Variants in HEATR1 observed in about 807,000 individuals in gnomAD.
The protein encoded by HEATR1 is HEAT repeat-containing protein 1.
A neutral mutation model predicts 248.2 loss-of-function variants in HEATR1; 77 were observed. The ratio of observed to expected loss-of-function variants is 0.31; its 90% CI spans 0.26 to 0.37. The LOEUF (loss-of-function observed/expected upper bound fraction) is 0.37. Among genes scored for constraint, HEATR1 ranks in the 10% least tolerant of loss-of-function variants. HEATR1 has a pLI of 1.00. For missense variants in HEATR1, 2,420 were observed against 2,504.9 expected, an observed-to-expected ratio of 0.97 and a Z score of 0.72; for synonymous variants, 897 against 923.1, an observed-to-expected ratio of 0.97 and a Z score of 0.51.
Position 236,571,555 on chromosome 1 carries a change from A to G in HEATR1, c.3826+13T>C, listed in dbSNP as rs1448548448. 1 of 1,613,048 alleles carries G rather than the reference A, an allele frequency of 6.2e-7. No individual in the cohort carries two copies. Among genetic ancestry groups the G allele is most frequent in the Non-Finnish European group, 8.5e-7 (1 of 1,179,618 alleles). On this transcript the variant is annotated intron_variant, in intron 27 of 44. Transcript: ENST00000366582. ...GATAATTTTTCTAACCTTTCCTTCC[A>G]AAAAGTACCTACCTTTGGGTATTTT...
Position 236,603,152 on chromosome 1 carries a change from T to C in HEATR1, c.359+8A>G. ...ACCCATAGTTATTTCTGTAATTCTATTAGCTACCTGTGAATCAACCACTCC... is the reference window on the plus strand; with the variant it reads ...ACCCATAGTTATTTCTGTAATTCTACTAGCTACCTGTGAATCAACCACTCC... On this transcript the variant is annotated splice_region_variant and intron_variant, in intron 3 of 44. Coordinates refer to ENST00000366582, the MANE Select transcript of HEATR1 (RefSeq NM_018072.6). 6.2e-6 allele frequency: 10 copies of C among 1,600,124 alleles called. No homozygotes were observed. Among genetic ancestry groups the C allele is most frequent in the Non-Finnish European group, 8.6e-6 (10 of 1,167,460 alleles).
Position 236,566,860 on chromosome 1 carries a change from G to A in HEATR1, c.4094C>T (p.Ser1365Phe). Residue 1365 changes from serine to phenylalanine, a missense_variant, in exon 30 of 45, where the codon TCT (serine) becomes TTT (phenylalanine). Ser to Phe is a radical substitution (Grantham distance 155, BLOSUM62 -2). Transcript: ENST00000366582. ...TTCAACGTTTCTTGAAACTTCTATA[G>A]AATCTCCACTATCAGACTGCAAAAC... ...PALIQSDSGD[S>F]IEVSRNVEEI... 1 of 1,613,318 alleles carries A rather than the reference G, an allele frequency of 6.2e-7. No homozygotes were observed. Among genetic ancestry groups the A allele is most frequent in the African/African-American group, 1.3e-5 (1 of 74,986 alleles).
chr1:236,584,139 T>A (rs965081272), intron 17 of HEATR1, among the ~76,000 whole-genome samples: 13 of 152,198 alleles, frequency 8.5e-5, no homozygotes, highest in African/African-American at 2.9e-4. Flanking sequence ...AACATGCTCA[T>A]GACCTCGAGA....
At position 236,599,624 on chromosome 1, in the gene HEATR1, C is replaced by A; in HGVS notation, c.360G>T (p.Arg120Ser). Residue 120 changes from arginine to serine, a missense_variant and splice_region_variant, in exon 4 of 45, where the codon AGG (arginine) becomes AGT (serine). Physicochemically the swap from Arg to Ser is moderately radical, Grantham distance 110 (BLOSUM62 -1). Transcript: ENST00000366582. The part of the protein sequence containing the change: ...AQKCLEWLIH[R>S]FHIHLYNQDS... ...CTTGATTATAGAGATGTATATGGAA[C>A]CTGGGGAAAAAAAGCAAACAGTCCA... 1.3e-6 allele frequency: 2 copies of A among 1,599,148 alleles called. No individual in the cohort carries two copies. Among genetic ancestry groups the A allele is most frequent in the Non-Finnish European group, 1.7e-6 (2 of 1,173,428 alleles).
intron 19 of HEATR1, among the ~76,000 whole-genome samples, chr1:236,581,672 C>T (rs1050342043): frequency 1.3e-5 from 2 of 152,102 alleles, no homozygotes; most frequent in Admixed American, 1.3e-4. Context: ...ATCTGGGACG[C>T]CTAATTAAGA....
chr1:236,576,446 C>A (rs770362894), intron 21 of HEATR1, 69 bp from the exon 22 acceptor site: 1 of 1,133,010 alleles, frequency 8.8e-7, no homozygotes. Context: ...ATATTAATTA[C>A]GGAAGACTCT....
chr1:236,568,896 AAC>A, intron 29 of HEATR1, 98 bp downstream of exon 29: 64 of 619,046 alleles, frequency 1.0e-4, no homozygotes, highest in African/African-American at 1.4e-4. Flanking sequence ...AAAAAAAAAA[AAC>A]AAAAAAAAAA....
intron 34 of HEATR1, 137 bp downstream of exon 34, chr1:236,559,577 G>A (rs1386851322): frequency 2.0e-5 from 22 of 1,092,794 alleles, no homozygotes; most frequent in Admixed American, 2.8e-5. Context: ...TCAAGAGATT[G>A]TTTTCTAAGA....
chr1:236,579,068 T>G (rs1663640104), intron 20 of HEATR1, among the ~76,000 whole-genome samples: 1 of 152,198 alleles, frequency 6.6e-6, no homozygotes, highest in African/African-American at 2.4e-5. Context: ...TGACAAGGTT[T>G]CAAACCTGCC....
chr1:236,574,578 T>C, intron 23 of HEATR1, 83 bp downstream of exon 23: 1 of 1,437,872 alleles, frequency 7.0e-7, no homozygotes. Context: ...ATTAATCTTT[T>C]TTTTTTTAAC....
chr1:236,597,287 C>G (rs917928606), intron 5 of HEATR1, among the ~76,000 whole-genome samples: 2 of 142,830 alleles, frequency 1.4e-5, no homozygotes, highest in African/African-American at 5.4e-5. Flanking sequence ...GATGGAGTCT[C>G]TGTCGCCCAG....
At chr1:236,588,905 G>A (rs1319641589) in intron 12 of HEATR1, among the ~76,000 whole-genome samples, 2 of 152,178 alleles carry the variant, frequency 1.3e-5, no homozygotes, top group Non-Finnish European at 1.5e-5. Flanking sequence ...AAGCCCAGGA[G>A]TTTGAGGCCA....
In HEATR1 at chr1:236,556,280, G is replaced by T. The variant is rs367962892; in HGVS notation, c.5356-22C>A. 22 of 1,613,066 alleles carry T rather than the reference G, an allele frequency of 1.4e-5. No homozygotes were observed. The African/African-American group carries it at 2.7e-4, about 20-fold the overall frequency. On this transcript the variant is annotated intron_variant, in intron 37 of 44. Coordinates refer to ENST00000366582, the MANE Select transcript of HEATR1 (RefSeq NM_018072.6). ...TCACCTACAGGAATATAAAAAAAGT[G>T]ATCAGGGCCACTGCAGATCTTCGCT...
intron 33 of HEATR1, 70 bp from the exon 34 acceptor site, chr1:236,559,907 AT>A: frequency 7.0e-7 from 1 of 1,430,018 alleles, no homozygotes; most frequent in African/African-American, 1.4e-5. Context: ...TGTCTACCTT[AT>A]GCTAAATGTT....
chr1:236,552,252 C>A, intron 43 of HEATR1, 145 bp from the exon 44 acceptor site: 1 of 533,752 alleles, frequency 1.9e-6, no homozygotes, highest in Non-Finnish European at 3.3e-6. Context: ...ATTAAGCTTT[C>A]ATCTTAGAAT....
rs200320031 is a variant in HEATR1, at chr1:236,553,639, G to A, written c.6179C>T (p.Ser2060Phe). 6 of 1,613,956 alleles carry A rather than the reference G, an allele frequency of 3.7e-6. No homozygotes were observed. Among genetic ancestry groups the A allele is most frequent in the Admixed American group, 1.7e-5 (1 of 59,998 alleles). ...CTGGTAGTTCAGTGGTTTCCAAAGA[G>A]AGTCATCCGCCATGGCCACCGAAAA... ...AQFSVAMADD[S>F]LWKPLNYQIL... The change falls in exon 43 of 45, where the codon TCT (serine) becomes TTT (phenylalanine). Residue 2060 changes from serine (S) to phenylalanine (F), a missense_variant. Physicochemically the swap from Ser to Phe is radical, Grantham distance 155 (BLOSUM62 -2). Coordinates refer to ENST00000366582, the MANE Select transcript of HEATR1 (RefSeq NM_018072.6).
chr1:236,555,067 G>A (rs377697604), intron 41 of HEATR1, among the ~76,000 whole-genome samples: 5 of 152,064 alleles, frequency 3.3e-5, no homozygotes, highest in African/African-American at 9.7e-5. Flanking sequence ...TGACAGTAAC[G>A]GCCATTTACT....
Position 236,585,005 on chromosome 1 carries a change from G to T in HEATR1, c.2241+20C>A. On this transcript the variant is annotated intron_variant, in intron 17 of 44. Transcript: ENST00000366582. ...TGTTTTATTCAACATCCCACTTTCT[G>T]GAGATTCTGCTTTCCTTACCACTGC... 6.3e-7 allele frequency: 1 copy of T among 1,592,302 alleles called. No homozygotes were observed. Among genetic ancestry groups the T allele is most frequent in the East Asian group, 2.2e-5 (1 of 44,662 alleles).
At chr1:236,564,729 T>C (rs1438940503) in intron 31 of HEATR1, 68 bp from the exon 32 acceptor site, 10 of 1,418,840 alleles carry the variant, frequency 7.0e-6, no homozygotes, top group Middle Eastern at 2.5e-4. Context: ...AATTAACAGA[T>C]ATAACCTTTC....
Sources: gnomAD v4.1 joint callset for allele counts (sites outside exome capture counted in the v4.1 genomes callset) on GRCh38, gnomAD v4.1.1 for gene constraint, MANE v1.5 for transcripts, NCBI Gene and HGNC (gene_info 2026-07-23, HGNC 2026-07-21) for gene names.